MON1A: variants seen among roughly 807,000 people sequenced by gnomAD.
The protein encoded by MON1A is vacuolar fusion protein MON1 homolog A.
A neutral mutation model predicts 44.6 loss-of-function variants in MON1A; 29 were observed. The observed-to-expected ratio is 0.65, with a 90% CI of 0.48 to 0.89. The LOEUF is 0.89. Ranked by LOEUF, MON1A falls within the 40% of genes least tolerant of loss-of-function variation. The pLI, the probability that MON1A is intolerant of heterozygous loss-of-function variation, is 0.00. For synonymous variants in MON1A, 275 were observed against 316.4 expected, an observed-to-expected ratio of 0.87 and a Z score of 1.39; for missense variants, 615 against 759.6, an observed-to-expected ratio of 0.81 and a Z score of 2.24.
At chr3:49,912,227 AT>A (rs1299236914) in intron 2 of MON1A, among the ~76,000 whole-genome samples, 1 of 152,078 alleles carries the variant, frequency 6.6e-6, no homozygotes, top group Non-Finnish European at 1.5e-5. Context: ...CAAACCACTC[AT>A]GGCAGCAGTG....
Position 49,910,192 on chromosome 3 carries a change from T to C in MON1A, c.1306A>G (p.Ser436Gly). The C allele has an allele frequency of 1.2e-6, 2 of 1,613,848 alleles. No homozygotes were observed. Among genetic ancestry groups the C allele is most frequent in the East Asian group, 2.2e-5 (1 of 44,860 alleles). The change falls in exon 4 of 6, where the codon AGC (serine) becomes GGC (glycine). Residue 436 changes from serine (S) to glycine (G), a missense_variant. By Grantham distance (56) the Ser-to-Gly change is moderately conservative (BLOSUM62 0). Coordinates refer to ENST00000296473, the MANE Select transcript of MON1A (RefSeq NM_032355.4). The surrounding 1 kb of genome is among the most constrained non-coding windows in gnomAD (Gnocchi z 8.0). Reference sequence around the variant, plus strand: ...TCAGGGATGCCCACTTGGGCAACGCTGTAGTAGGGTGTGCGCAGTGCCTCT... The same window carrying C: ...TCAGGGATGCCCACTTGGGCAACGCCGTAGTAGGGTGTGCGCAGTGCCTCT... ...LREALRTPYY[S>G]VAQVGIPDLR...
chr3:49,921,196 C>T (rs573539360), intron 1 of MON1A, among the ~76,000 whole-genome samples: 2 of 151,256 alleles, frequency 1.3e-5, no homozygotes, highest in East Asian at 2.0e-4. Flanking sequence ...CTCGCTCTGT[C>T]GCCTGGACTG....
Position 49,910,460 on chromosome 3 carries a change from G to T in MON1A, c.1038C>A (p.His346Gln). Residue 346 changes from histidine to glutamine, a missense_variant, in exon 4 of 6, where the codon CAC (histidine) becomes CAA (glutamine). His to Gln is a conservative substitution (Grantham distance 24). Transcript: ENST00000296473. This position sits in a 1 kb window ranked among gnomAD's most constrained non-coding sequence, Gnocchi z 8.0. ...KDQFLHPIDL[H>Q]LLFNLISSSS... Reference sequence around the variant, plus strand: ...AGGAACTAATGAGGTTGAAGAGCAGGTGCAGGTCGATGGGGTGCAGAAATT... The same window carrying T: ...AGGAACTAATGAGGTTGAAGAGCAGTTGCAGGTCGATGGGGTGCAGAAATT... 6.2e-7 allele frequency: 1 copy of T among 1,614,232 alleles called. No homozygotes were observed. The highest frequency in any genetic ancestry group is 1.1e-5 in the South Asian group (1 of 91,092).
rs2108529258 is a variant in MON1A, at chr3:49,910,263, C to T, written c.1235G>A (p.Arg412His). ...DFFAVSDCRR[R>H]FQERLRKRGA... The stretch of plus-strand genomic sequence containing the variant: ...GCGCTTGCGAAGGCGCTCCTGGAAG[C>T]GGCGGCGGCAGTCAGAGACTGCAAA... The change falls in exon 4 of 6, where the codon CGC becomes CAC. Residue 412 changes from arginine (R) to histidine (H), a missense_variant. By Grantham distance (29) the Arg-to-His change is conservative. Transcript: ENST00000296473. This position sits in a 1 kb window ranked among gnomAD's most constrained non-coding sequence, Gnocchi z 8.0. The T allele has an allele frequency of 1.2e-6, 2 of 1,614,024 alleles. No individual in the cohort carries two copies. Among genetic ancestry groups the T allele is most frequent in the East Asian group, 2.2e-5 (1 of 44,876 alleles).
chr3:49,920,672 T>C (rs2082988165), intron 1 of MON1A: 1 of 151,656 alleles, frequency 6.6e-6, no homozygotes, highest in African/African-American at 2.4e-5. Context: ...ACCCCATCTT[T>C]ACTAAAAATA....
Position 49,909,952 on chromosome 3 carries a change from G to T in MON1A, c.1379+167C>A. ...AGAGAGGGTATGCTCATGGGGTGAT[G>T]GAGAGTCTGGGTCTCTGGTGCCAGA... is the stretch of plus-strand genomic sequence containing the variant. On this transcript the variant is annotated intron_variant, in intron 4 of 5. Coordinates refer to ENST00000296473, the MANE Select transcript of MON1A (RefSeq NM_032355.4). This position sits in a 1 kb window ranked among gnomAD's most constrained non-coding sequence, Gnocchi z 4.0. 2.7e-6 allele frequency: 2 copies of T among 732,598 alleles called. No homozygotes were observed. Among genetic ancestry groups the T allele is most frequent in the Non-Finnish European group, 2.3e-6 (1 of 434,124 alleles). The allele number at this position is 732,598 out of a possible 1,614,324, so 45.4% of individuals were successfully genotyped here.
intron 1 of MON1A, among the ~76,000 whole-genome samples, chr3:49,913,694 G>A (rs1176385658): frequency 1.8e-5 from 2 of 113,420 alleles, no homozygotes; most frequent in East Asian, 2.1e-4. Context: ...ACAGTGTCTC[G>A]CTCTGCCGCC....
Position 49,912,021 on chromosome 3 carries a change from A to G in MON1A, c.128-10T>C. 1 of 1,557,390 alleles carries G rather than the reference A, an allele frequency of 6.4e-7. No individual in the cohort carries two copies. Among genetic ancestry groups the G allele is most frequent in the East Asian group, 2.3e-5 (1 of 44,334 alleles). On this transcript the variant is annotated splice_polypyrimidine_tract_variant and intron_variant, in intron 2 of 5. Transcript: ENST00000296473. The stretch of plus-strand genomic sequence containing the variant: ...CCCTCCTGGCCCGCACCTGCAGGCC[A>G]AAAGCACTGGTGCTTAGAGGGGTAG...
rs2082852288 is a variant in MON1A, at chr3:49,909,763, GC to G, written c.1379+355del. ...GACAAAGGGAGGCCATATCTTCCCA[GC>G]CCCTCTGCTGGGGGAGGGGGTGGAG... is the stretch of plus-strand genomic sequence containing the variant. On this transcript the variant is annotated intron_variant, in intron 4 of 5. Coordinates refer to ENST00000296473, the MANE Select transcript of MON1A (RefSeq NM_032355.4). The surrounding 1 kb of genome is among the most constrained non-coding windows in gnomAD (Gnocchi z 4.0). The G allele has an allele frequency of 2.9e-6, 1 of 342,906 alleles. No individual in the cohort carries two copies. The highest frequency in any genetic ancestry group is 5.3e-6 in the Non-Finnish European group (1 of 188,098). The allele number at this position is 342,906 out of a possible 1,614,324, so 21.2% of individuals were successfully genotyped here. A position where few individuals can be genotyped will look rare whatever the true frequency, so the allele number is the denominator to read the frequency against.
At position 49,909,709 on chromosome 3, in the gene MON1A, G is replaced by A. The variant is rs2082851792; in HGVS notation, c.1380-309C>T. The A allele has an allele frequency of 5.3e-6, 2 of 379,036 alleles. No individual in the cohort carries two copies. Among genetic ancestry groups the A allele is most frequent in the Non-Finnish European group, 9.5e-6 (2 of 210,222 alleles). The allele number at this position is 379,036 out of a possible 1,614,324, so 23.5% of individuals were successfully genotyped here. ...GTGACAGATCTGGAGTAGAGGAAAG[G>A]TGAGCTAGGAATCCTGTGGGCCAAA... On this transcript the variant is annotated intron_variant, in intron 4 of 5. Coordinates refer to ENST00000296473, the MANE Select transcript of MON1A (RefSeq NM_032355.4). This position sits in a 1 kb window ranked among gnomAD's most constrained non-coding sequence, Gnocchi z 4.0.
At chr3:49,912,963 C>T (rs1206498035) in intron 2 of MON1A, 8 of 600,916 alleles carry the variant, frequency 1.3e-5, no homozygotes, top group Admixed American at 6.8e-5. Context: ...CGGGGAGGTG[C>T]GCTGTAGACA....
intron 1 of MON1A, among the ~76,000 whole-genome samples, chr3:49,925,622 C>T (rs1013844573): frequency 3.3e-5 from 5 of 152,144 alleles, no homozygotes; most frequent in African/African-American, 7.2e-5. Flanking sequence ...GCCTGTAGTC[C>T]CACCTACTTA....
At position 49,910,249 on chromosome 3, in the gene MON1A, G is replaced by A. The variant is rs1417556683; in HGVS notation, c.1249C>T (p.Leu417Phe). 6.2e-7 allele frequency: 1 copy of A among 1,614,148 alleles called. No homozygotes were observed. Among genetic ancestry groups the A allele is most frequent in the Non-Finnish European group, 8.5e-7 (1 of 1,180,002 alleles). ...GCCAGGTGGGCTCCGCGCTTGCGAA[G>A]GCGCTCCTGGAAGCGGCGGCGGCAG... ...SDCRRRFQER[L>F]RKRGAHLALR... Residue 417 changes from leucine to phenylalanine, a missense_variant, in exon 4 of 6, where the codon CTT becomes TTT. Coordinates refer to ENST00000296473, the MANE Select transcript of MON1A (RefSeq NM_032355.4). This position sits in a 1 kb window ranked among gnomAD's most constrained non-coding sequence, Gnocchi z 8.0.
Position 49,909,832 on chromosome 3 carries a change from T to TA in MON1A, c.1379+286dup, listed in dbSNP as rs1159751793. ...AGCTGGACCAAAATGACCCCTAAAG[T>TA]AGAGTTGCTCCAGGGCAAGGGACCC... On this transcript the variant is annotated intron_variant, in intron 4 of 5. Transcript: ENST00000296473. The surrounding 1 kb of genome is among the most constrained non-coding windows in gnomAD (Gnocchi z 4.0). 5.1e-6 allele frequency: 2 copies of TA among 389,980 alleles called. No individual in the cohort carries two copies. The highest frequency in any genetic ancestry group is 4.0e-5 in the African/African-American group (2 of 49,926). 24.2% of individuals were successfully genotyped at this position (389,980 alleles called of 1,614,324 possible).
In MON1A at chr3:49,911,246, AGTT is replaced by A. The variant is rs2082882402; in HGVS notation, c.613+277_613+279del. 9.9e-6 allele frequency among the ~76,000 whole-genome samples: 1 copy of A among 101,506 alleles called. No homozygotes were observed. Among genetic ancestry groups the A allele is most frequent in the South Asian group, 2.6e-4 (1 of 3,840 alleles). 66.6% of individuals were successfully genotyped at this position (101,506 alleles called of 152,430 possible). A position where few individuals can be genotyped will look rare whatever the true frequency, so the allele number is the denominator to read the frequency against. ...GATAGATAGATAGATAGATAGATAG[AGTT>A]TGTTGTTGTTGTTGTTGTTGCCTCC... On this transcript the variant is annotated intron_variant, in intron 3 of 5. Transcript: ENST00000296473. The surrounding 1 kb of genome is among the most constrained non-coding windows in gnomAD (Gnocchi z 5.7).
chr3:49,920,384 G>T (rs2082985689), intron 1 of MON1A, among the ~76,000 whole-genome samples: 1 of 152,020 alleles, frequency 6.6e-6, no homozygotes. Context: ...TCAATCCCTT[G>T]GTGATCTCAT....
rs368603135 is a variant in MON1A at position 49,911,217 on chromosome 3, G to GATAGATAGATAGATGATAGATAC, written c.613+308_613+309insGTATCTATCATCTATCTATCTAT. 0.079 allele frequency among the ~76,000 whole-genome samples: 11,318 copies of GATAGATAGATAGATGATAGATAC among 143,078 alleles called. 547 individuals carry two copies. Among genetic ancestry groups the GATAGATAGATAGATGATAGATAC allele is most frequent in the African/African-American group, 0.1 (3,551 of 35,012 alleles). The allele number at this position is 143,078 out of a possible 152,430, so 93.9% of individuals were successfully genotyped here. On this transcript the variant is annotated intron_variant, in intron 3 of 5. Coordinates refer to ENST00000296473, the MANE Select transcript of MON1A (RefSeq NM_032355.4). The surrounding 1 kb of genome is among the most constrained non-coding windows in gnomAD (Gnocchi z 5.7). ...AGATAGATAGATAGATAGATAGATA[G>GATAGATAGATAGATGATAGATAC]ATAGATAGATAGATAGATAGATAGA...
At position 49,911,606 on chromosome 3, in the gene MON1A, A is replaced by G; in HGVS notation, c.533T>C (p.Leu178Pro). The G allele has an allele frequency of 6.2e-7, 1 of 1,614,164 alleles. No homozygotes were observed. The highest frequency in any genetic ancestry group is 2.2e-5 in the East Asian group (1 of 44,884). The change falls in exon 3 of 6, where the codon CTT (leucine) becomes CCT (proline). Residue 178 changes from leucine to proline, a missense_variant. Transcript: ENST00000296473. The surrounding 1 kb of genome is among the most constrained non-coding windows in gnomAD (Gnocchi z 5.7). ...CACCATAACACCCATAGTGCTGGAA[A>G]GTGCCTCCTCAGACCCATAGCGGGA... ...VYSRYGSEEA[L>P]SSTMGVMVAL...
In MON1A at chr3:49,910,502, G is replaced by A. The variant is rs2082863510; in HGVS notation, c.996C>T (p.Leu332=). 3.1e-6 allele frequency: 5 copies of A among 1,614,002 alleles called. No individual in the cohort carries two copies. The highest frequency in any genetic ancestry group is 1.1e-5 in the South Asian group (1 of 91,070). The change falls in exon 4 of 6, where the codon CTC becomes CTT. Residue 332 remains leucine (L), a synonymous_variant. Transcript: ENST00000296473. This position sits in a 1 kb window ranked among gnomAD's most constrained non-coding sequence, Gnocchi z 8.0. ...ILLARNQLVA[L]VRRKDQFLHP... Reference sequence around the variant, plus strand: ...GCAGAAATTGGTCCTTTCGGCGCACGAGTGCCACGAGCTGGTTGCGGGCCA... The same window carrying A: ...GCAGAAATTGGTCCTTTCGGCGCACAAGTGCCACGAGCTGGTTGCGGGCCA...
Sources: gnomAD v4.1 joint callset for allele counts (sites outside exome capture counted in the v4.1 genomes callset) on GRCh38, gnomAD v4.1.1 for gene constraint, Gnocchi (gnomAD v3.1) non-coding constraint, MANE v1.5 for transcripts, NCBI Gene and HGNC (gene_info 2026-07-23, HGNC 2026-07-21) for gene names.